Variants in MAP3K13 observed in about 807,000 individuals in gnomAD.
MAP3K13 encodes mitogen-activated protein kinase kinase kinase 13.
In MAP3K13, 52 loss-of-function variants were observed where a neutral mutation model predicts 104.0. The observed-to-expected ratio is 0.50, with a 90% confidence interval of 0.40 to 0.63. The LOEUF (loss-of-function observed/expected upper bound fraction) is 0.63. Among genes scored for constraint, MAP3K13 ranks in the 20% least tolerant of loss-of-function variants. The pLI, the probability that MAP3K13 is intolerant of heterozygous loss-of-function variation, is 0.00. For synonymous variants in MAP3K13, 394 were observed against 442.2 expected, an observed-to-expected ratio of 0.89 and a Z score of 1.37; for missense variants, 914 against 1,218.5, an observed-to-expected ratio of 0.75 and a Z score of 3.72.
chr3:185,439,320 G>T (rs572617649), intron 3 of MAP3K13, among the ~76,000 whole-genome samples: 57 of 152,048 alleles, frequency 3.7e-4, no homozygotes, highest in Non-Finnish European at 7.2e-4. Context: ...GACCTAGTAG[G>T]GCCAGGAGGA....
intron 7 of MAP3K13, among the ~76,000 whole-genome samples, chr3:185,453,854 G>C (rs1189400423): frequency 1.0e-3 from 5 of 4,914 alleles, no homozygotes; most frequent in Admixed American, 8.8e-3. Context: ...ATATATATGA[G>C]ATATATATAT....
chr3:185,296,764 A>G (rs2108676778), intron 2 of MAP3K13, among the ~76,000 whole-genome samples: 1 of 152,342 alleles, frequency 6.6e-6, no homozygotes, highest in South Asian at 2.1e-4. Context: ...ATTTGGGACA[A>G]TGAGACCTGT....
chr3:185,357,346 G>T (rs9832898), intron 2 of MAP3K13, among the ~76,000 whole-genome samples: 71,379 of 150,496 alleles, frequency 0.47, 18,672 homozygotes, highest in Middle Eastern at 0.63. Flanking sequence ...TACTCAGGAG[G>T]CTGAGGCAGG....
chr3:185,289,006 G>A (rs1467137375), intron 2 of MAP3K13, among the ~76,000 whole-genome samples: 3 of 152,074 alleles, frequency 2.0e-5, no homozygotes, highest in Non-Finnish European at 4.4e-5. Context: ...CAGGAGAACT[G>A]TTTTTACTCA....
intron 2 of MAP3K13, among the ~76,000 whole-genome samples, chr3:185,343,321 A>C (rs1314787040): frequency 6.6e-6 from 1 of 152,176 alleles, no homozygotes; most frequent in African/African-American, 2.4e-5. Flanking sequence ...TGGAGATTAC[A>C]CAAATCCTAC....
In MAP3K13 at chr3:185,423,236, C is replaced by A. The variant is rs531994613; in HGVS notation, c.-85-5261C>A. On this transcript the variant is annotated intron_variant, in intron 1 of 13. Transcript: ENST00000265026. The surrounding 1 kb of genome is among the most constrained non-coding windows in gnomAD (Gnocchi z 4.1). ...CTTGAACCATCTTGAAACCATCCCC[C>A]CTGCCTGGTCCGTGGAAGTAGTGTC... Among the ~76,000 whole-genome samples the A allele has an allele frequency of 1.3e-5, 2 of 152,296 alleles. No individual in the cohort carries two copies. Among genetic ancestry groups the A allele is most frequent in the Admixed American group, 1.3e-4 (2 of 15,290 alleles).
chr3:185,458,142 G>C (rs1466746457), intron 7 of MAP3K13, among the ~76,000 whole-genome samples: 1 of 152,144 alleles, frequency 6.6e-6, no homozygotes, highest in Non-Finnish European at 1.5e-5. Context: ...ACCGAGATGG[G>C]TGGATCATTT....
chr3:185,466,517 C>A (rs966453419), intron 9 of MAP3K13, among the ~76,000 whole-genome samples: 2 of 151,874 alleles, frequency 1.3e-5, no homozygotes, highest in African/African-American at 4.8e-5. Flanking sequence ...GCTGAGACTA[C>A]AGGTGCATGC....
intron 1 of MAP3K13, among the ~76,000 whole-genome samples, chr3:185,370,130 A>G (rs1724081051): frequency 1.3e-5 from 2 of 152,234 alleles, no homozygotes; most frequent in Admixed American, 1.3e-4. Flanking sequence ...TTAAATAAGC[A>G]AGGGACAATT....
chr3:185,351,408 A>G (rs1353719335), intron 2 of MAP3K13, among the ~76,000 whole-genome samples: 1 of 152,198 alleles, frequency 6.6e-6, no homozygotes, highest in East Asian at 1.9e-4. Context: ...AATTGAGGAC[A>G]GTTTTCTATG....
rs183525422 is a variant in MAP3K13, at chr3:185,302,869, A to G, written c.-86+17226A>G. 6.2e-4 allele frequency among the ~76,000 whole-genome samples: 95 copies of G among 152,264 alleles called. 1 individual carries two copies. Among genetic ancestry groups the G allele is most frequent in the African/African-American group, 2.2e-3 (90 of 41,548 alleles). ...TGCCCTGGCCAATACTTCCAATACT[A>G]TGTTGAGTAGAAGTGGTGAAGGTGG... On this transcript the variant is annotated intron_variant, in intron 2 of 14. Coordinates refer to the MAP3K13 transcript ENST00000424227.
intron 2 of MAP3K13, among the ~76,000 whole-genome samples, chr3:185,356,549 T>G (rs1397647028): frequency 6.6e-6 from 1 of 152,208 alleles, no homozygotes; most frequent in African/African-American, 2.4e-5. Context: ...GCCCGATATA[T>G]GGATGGAGAC....
At chr3:185,321,199 T>C (rs1019992166) in intron 2 of MAP3K13, among the ~76,000 whole-genome samples, 26 of 150,144 alleles carry the variant, frequency 1.7e-4, no homozygotes, top group Non-Finnish European at 1.8e-4. Context: ...GTGTATATTA[T>C]ATATGCATGC....
At chr3:185,331,718 T>C (rs1268806061) in intron 2 of MAP3K13, among the ~76,000 whole-genome samples, 1 of 152,180 alleles carries the variant, frequency 6.6e-6, no homozygotes, top group Admixed American at 6.5e-5. Flanking sequence ...GACCAAAACA[T>C]ATCAACTTCC....
At chr3:185,284,366 A>G (rs888949143) in intron 1 of MAP3K13, among the ~76,000 whole-genome samples, 4 of 152,182 alleles carry the variant, frequency 2.6e-5, no homozygotes, top group Non-Finnish European at 5.9e-5. Flanking sequence ...AGGGTCCCCA[A>G]AAGAAGATTA....
chr3:185,378,346 G>A (rs940877530), intron 1 of MAP3K13, among the ~76,000 whole-genome samples: 1 of 152,122 alleles, frequency 6.6e-6, no homozygotes, highest in African/African-American at 2.4e-5. Flanking sequence ...GCCATGAACT[G>A]GGCTGGGTTT....
intron 1 of MAP3K13, among the ~76,000 whole-genome samples, chr3:185,408,958 C>T (rs919891340): frequency 6.6e-6 from 1 of 152,092 alleles, no homozygotes; most frequent in African/African-American, 2.4e-5. Context: ...AGGCGTCTAC[C>T]AATGAAATGT....
chr3:185,422,748 C>T (rs1186137479), intron 1 of MAP3K13, among the ~76,000 whole-genome samples: 1 of 152,230 alleles, frequency 6.6e-6, no homozygotes, highest in Admixed American at 6.5e-5. Context: ...GCCAATAGCA[C>T]GTAAGACTTG....
chr3:185,393,347 A>C (rs1316384445), intron 1 of MAP3K13, among the ~76,000 whole-genome samples: 1 of 152,250 alleles, frequency 6.6e-6, no homozygotes, highest in Non-Finnish European at 1.5e-5. Flanking sequence ...AAAACTAGTC[A>C]ATATCCACAG....
Sources: allele counts gnomAD v4.1 joint callset (sites outside exome capture counted in the v4.1 genomes callset), GRCh38; gene constraint gnomAD v4.1.1; non-coding constraint Gnocchi (gnomAD v3.1); transcripts MANE v1.5; gene names NCBI Gene and HGNC (gene_info 2026-07-23, HGNC 2026-07-21).